Variants in RARB observed in about 807,000 individuals in gnomAD.
The protein encoded by RARB is HBV-activated protein.
RARB carries 17 observed loss-of-function variants against 51.9 expected under a neutral mutation model. The ratio of observed to expected loss-of-function variants is 0.33; its 90% CI spans 0.22 to 0.49. RARB has a LOEUF of 0.49. Among genes scored for constraint, RARB ranks in the 20% least tolerant of loss-of-function variants. The pLI is 0.99. For missense variants in RARB, 369 were observed against 550.8 expected (o/e 0.67, Z 3.30); for synonymous variants, 215 against 195.4 (o/e 1.10, Z -0.84).
At chr3:25,541,226 C>T (rs899306280) in intron 3 of RARB, among the ~76,000 whole-genome samples, 4 of 152,204 alleles carry the variant, frequency 2.6e-5, no homozygotes, top group Admixed American at 2.0e-4. Context: ...GATTTAGCCA[C>T]TCTAGTGGCC....
intron 5 of RARB, among the ~76,000 whole-genome samples, chr3:25,178,639 A>G (rs1256231335): frequency 6.6e-6 from 1 of 152,170 alleles, no homozygotes; most frequent in Non-Finnish European, 1.5e-5. Context: ...ACGATGTTCC[A>G]GGGAGTCCTT....
At chr3:25,390,179 T>G (rs958753406) in intron 5 of RARB, among the ~76,000 whole-genome samples, 1 of 152,090 alleles carries the variant, frequency 6.6e-6, no homozygotes, top group Non-Finnish European at 1.5e-5. Flanking sequence ...CCCTTATGAA[T>G]GGAATTCGCA....
At chr3:25,564,599 C>T (rs140589578) in intron 3 of RARB, among the ~76,000 whole-genome samples, 233 of 152,312 alleles carry the variant, frequency 1.5e-3, no homozygotes, top group African/African-American at 5.3e-3. Context: ...CAGAACACCA[C>T]ATTTAGTTAT....
At chr3:25,159,771 C>T (rs1213146706) in intron 4 of RARB, among the ~76,000 whole-genome samples, 2 of 152,078 alleles carry the variant, frequency 1.3e-5, no homozygotes, top group African/African-American at 4.8e-5. Context: ...GAGAAGAAGG[C>T]ATTGGGATAA....
intron 2 of RARB, among the ~76,000 whole-genome samples, chr3:25,056,800 ATGT>A (rs1698450996): frequency 6.6e-6 from 1 of 152,170 alleles, no homozygotes; most frequent in Admixed American, 6.5e-5. Context: ...GCAAAATATA[ATGT>A]TGTCTCTTAA....
chr3:25,056,255 T>G (rs2125301885), intron 2 of RARB, among the ~76,000 whole-genome samples: 1 of 152,106 alleles, frequency 6.6e-6, no homozygotes, highest in South Asian at 2.1e-4. Context: ...ACAGATAACC[T>G]TAGTGAGAGA....
intron 3 of RARB, among the ~76,000 whole-genome samples, chr3:25,121,285 T>C (rs1267796066): frequency 1.3e-5 from 2 of 152,094 alleles, no homozygotes; most frequent in African/African-American, 4.8e-5. Flanking sequence ...ACAGGAGATA[T>C]AAGAGGGCTT....
chr3:24,832,651 A>ATATATATATATAT (rs1553606277), intron 1 of RARB, among the ~76,000 whole-genome samples: 59 of 136,598 alleles, frequency 4.3e-4, no homozygotes, highest in South Asian at 7.0e-4. Context: ...ATATATATAT[A>ATATATATATATAT]ATGTCAATTA....
intron 4 of RARB, among the ~76,000 whole-genome samples, chr3:25,170,012 AG>A (rs1244789395): frequency 5.6e-5 from 8 of 142,278 alleles, no homozygotes; most frequent in Non-Finnish European, 1.1e-4. Context: ...AAAAAAAGAA[AG>A]AAAAAAAAAA....
At chr3:25,477,499 A>G (rs900084175) in intron 2 of RARB, among the ~76,000 whole-genome samples, 3 of 152,246 alleles carry the variant, frequency 2.0e-5, no homozygotes, top group African/African-American at 7.2e-5. Context: ...CATATACAAC[A>G]GTGAAATAAC....
intron 5 of RARB, among the ~76,000 whole-genome samples, chr3:25,310,951 C>A (rs1411919169): frequency 6.6e-6 from 1 of 152,192 alleles, no homozygotes; most frequent in Non-Finnish European, 1.5e-5. Flanking sequence ...ACTGCACACT[C>A]TGGAAATTAA....
chr3:25,400,726 G>T (rs923543006), intron 5 of RARB, among the ~76,000 whole-genome samples: 2 of 152,070 alleles, frequency 1.3e-5, no homozygotes, highest in African/African-American at 4.8e-5. Context: ...TTTCCTAGTT[G>T]AGTTTTTTGG....
At chr3:25,012,467 T>C (rs765870608) in intron 2 of RARB, among the ~76,000 whole-genome samples, 2 of 152,100 alleles carry the variant, frequency 1.3e-5, no homozygotes, top group Non-Finnish European at 2.9e-5. Context: ...TTCAGAAAAC[T>C]GTACTAGAAG....
intron 4 of RARB, among the ~76,000 whole-genome samples, chr3:25,158,571 A>G (rs1253376232): frequency 6.6e-6 from 1 of 152,188 alleles, no homozygotes; most frequent in Non-Finnish European, 1.5e-5. Context: ...TATTTGCTTT[A>G]AAAGAATAAT....
In RARB at chr3:24,989,774, C is replaced by CT. The variant is rs769275874; in HGVS notation, c.-379-70315dup. On this transcript the variant is annotated intron_variant, in intron 2 of 11. Transcript: ENST00000383772. ...ATTTTAACTGTTGTCATATGTTTTT[C>CT]TTTTTTTTTTTTTTTTTTTTTTTTT... is the stretch of plus-strand genomic sequence containing the variant. 2.8e-3 allele frequency among the ~76,000 whole-genome samples: 83 copies of CT among 29,528 alleles called. 32 individuals are homozygous for CT. Among genetic ancestry groups the CT allele is most frequent in the Non-Finnish European group, 3.9e-3 (63 of 16,222 alleles). The allele number at this position is 29,528 out of a possible 152,430, so 19.4% of individuals were successfully genotyped here.
intron 3 of RARB, among the ~76,000 whole-genome samples, chr3:25,561,195 T>G (rs1448507742): frequency 6.6e-6 from 1 of 152,202 alleles, no homozygotes; most frequent in Non-Finnish European, 1.5e-5. Flanking sequence ...TGGGGAACAG[T>G]GCCATAATTT....
chr3:24,836,002 T>C (rs1702340535), intron 1 of RARB, among the ~76,000 whole-genome samples: 1 of 152,202 alleles, frequency 6.6e-6, no homozygotes, highest in African/African-American at 2.4e-5. Flanking sequence ...CTAAGCATCA[T>C]GGGCTTTGGA....
At chr3:24,832,653 T>TATATATATATATATATATATA (rs1169669449) in intron 1 of RARB, among the ~76,000 whole-genome samples, 1 of 63,402 alleles carries the variant, frequency 1.6e-5, no homozygotes, top group African/African-American at 1.0e-4. Flanking sequence ...ATATATATAA[T>TATATATATATATATATATATA]GTCAATTAAA....
chr3:25,003,817 A>C (rs1391034955), intron 2 of RARB, among the ~76,000 whole-genome samples: 1 of 152,104 alleles, frequency 6.6e-6, no homozygotes, highest in Non-Finnish European at 1.5e-5. Context: ...GGCTCATGGA[A>C]GTTTACTTCC....
Sources: allele counts gnomAD v4.1 joint callset (sites outside exome capture counted in the v4.1 genomes callset), GRCh38; gene constraint gnomAD v4.1.1; transcripts MANE v1.5; gene names NCBI Gene and HGNC (gene_info 2026-07-23, HGNC 2026-07-21).